TANGO2: variants seen among roughly 807,000 people sequenced by gnomAD.
The protein encoded by TANGO2 is transport and Golgi organization protein 2 homolog.
In TANGO2, 26 loss-of-function variants were observed where a neutral mutation model predicts 39.1. The observed-to-expected ratio is 0.67, with a 90% CI of 0.49 to 0.92. The LOEUF is 0.92. Ranked by LOEUF, TANGO2 falls within the 40% of genes least tolerant of loss-of-function variation. The pLI, the probability that TANGO2 is intolerant of heterozygous loss-of-function variation, is 0.00. For missense variants in TANGO2, 326 were observed against 360.1 expected, an observed-to-expected ratio of 0.91 and a Z score of 0.77; for synonymous variants, 131 against 144.5, an observed-to-expected ratio of 0.91 and a Z score of 0.67.
upstream of TANGO2, among the ~76,000 whole-genome samples, chr22:20,020,909 C>T (rs569713085): frequency 6.6e-6 from 1 of 152,138 alleles, no homozygotes. Context: ...CTCAGACGCC[C>T]GCGCAGCCCG....
At chr22:20,037,072 T>TCAGCCACAGAAGG (rs755348398) in intron 2 of TANGO2, 3 of 1,531,542 alleles carry the variant, frequency 2.0e-6, no homozygotes, top group Non-Finnish European at 1.8e-6. Context: ...ACGTGAAGAC[T>TCAGCCACAGAAGG]CAGCCACAGA....
chr22:20,050,231 A>G (rs1043009198), intron 3 of TANGO2, among the ~76,000 whole-genome samples: 19 of 151,838 alleles, frequency 1.3e-4, no homozygotes, highest in African/African-American at 4.4e-4. Context: ...ACAAAAAAAC[A>G]CTATTGAATC....
Position 20,063,361 on chromosome 22 carries a change from A to G in TANGO2, c.629A>G (p.Glu210Gly). The change falls in exon 8 of 9, where the codon GAG (glutamate) becomes GGG (glycine). Residue 210 changes from glutamate to glycine, a missense_variant. Physicochemically the swap from Glu to Gly is moderately conservative, Grantham distance 98. Transcript: ENST00000327374. ...EEAQLPDPAI[E>G]DQGGEYVQPM... is the part of the protein sequence containing the mutation. ...AGGCAGCTGCCAGACCCGGCCATCG[A>G]GGACCAGGGTGGGGAGTACGTGCAG... 1 of 1,613,470 alleles carries G rather than the reference A, an allele frequency of 6.2e-7. No homozygotes were observed. The highest frequency in any genetic ancestry group is 1.3e-5 in the African/African-American group (1 of 75,056).
At position 20,061,592 on chromosome 22, in the gene TANGO2, C is replaced by T. The variant is rs769003588; in HGVS notation, c.514C>T (p.Gln172Ter). Residue 172 changes from glutamine (Q) to a stop codon, truncating the protein, a stop_gained, in exon 7 of 9, where the codon CAG becomes TAG. Transcript: ENST00000327374. LOFTEE classifies it high-confidence loss of function. ...TPWRKLCFGK[Q>*]LFLEAVERSQ... ...CTGGAGGAAGCTGTGCTTTGGGAAG[C>T]AGCTCTTCCTGGAGGCTGTGGAACG... 1.3e-6 allele frequency: 2 copies of T among 1,598,210 alleles called. No individual in the cohort carries two copies. Among genetic ancestry groups the T allele is most frequent in the South Asian group, 1.1e-5 (1 of 88,160 alleles).
intron 3 of TANGO2, among the ~76,000 whole-genome samples, chr22:20,049,660 CAAA>C (rs695789): frequency 1.5e-4 from 13 of 87,124 alleles, no homozygotes; most frequent in Non-Finnish European, 1.5e-4. Context: ...AACTCTGTCT[CAAA>C]AAAAAAAAAA....
chr22:20,058,697 A>G (rs1468313345), intron 6 of TANGO2, among the ~76,000 whole-genome samples: 1 of 151,534 alleles, frequency 6.6e-6, no homozygotes, highest in African/African-American at 2.4e-5. Flanking sequence ...TAGAAAGGAG[A>G]GTTTTATTTG....
intron 8 of TANGO2, 100 bp downstream of exon 8, chr22:20,063,542 T>C: frequency 9.3e-7 from 1 of 1,074,110 alleles, no homozygotes; most frequent in South Asian, 1.5e-5. Context: ...AGAGCCAGGC[T>C]TCTTCCTCGC....
intron 2 of TANGO2, among the ~76,000 whole-genome samples, chr22:20,041,601 C>T (rs1305914221): frequency 2.6e-5 from 4 of 152,056 alleles, no homozygotes; most frequent in Admixed American, 6.6e-5. Flanking sequence ...CGTGAGCCAC[C>T]GGGCCCGGCC....
At chr22:20,052,636 C>A (rs2046582143) in intron 4 of TANGO2, 52 bp downstream of exon 4, 1 of 1,538,558 alleles carries the variant, frequency 6.5e-7, no homozygotes, top group South Asian at 1.2e-5. Context: ...TGGGGCAGGC[C>A]TAGGTGAGAC....
At chr22:20,023,947 C>T (rs568294708) in intron 1 of TANGO2, among the ~76,000 whole-genome samples, 7 of 151,986 alleles carry the variant, frequency 4.6e-5, no homozygotes, top group Non-Finnish European at 1.0e-4. Context: ...TTTGGGAGGC[C>T]GAGACAGGTG....
At chr22:20,046,999 G>A (rs2045342024) in intron 3 of TANGO2, among the ~76,000 whole-genome samples, 1 of 152,190 alleles carries the variant, frequency 6.6e-6, no homozygotes, top group South Asian at 2.1e-4. Flanking sequence ...TCTACTGATG[G>A]TGGAAGGGGA....
chr22:20,065,759 C>G lies in TANGO2; in HGVS notation c.*1097C>G, dbSNP rs533248563. The G allele has an allele frequency of 1.3e-5, 2 of 152,454 alleles. No homozygotes were observed. The highest frequency in any genetic ancestry group is 4.1e-4 in the South Asian group (2 of 4,830). The allele number at this position is 152,454 out of a possible 1,614,324, so 9.4% of individuals were successfully genotyped here. On this transcript the variant is annotated 3_prime_UTR_variant, in exon 9 of 9. Coordinates refer to ENST00000327374, the MANE Select transcript of TANGO2 (RefSeq NM_152906.7). ...GTGTGCCAGGAGGCTCCGTGTGCACCAGGGGCTCTCAGAATCCCGCTTACC... is the reference window on the plus strand; with the variant it reads ...GTGTGCCAGGAGGCTCCGTGTGCACGAGGGGCTCTCAGAATCCCGCTTACC...
chr22:20,052,658 A>G (rs2147520247), intron 4 of TANGO2, 74 bp downstream of exon 4: 1 of 1,514,756 alleles, frequency 6.6e-7, no homozygotes, highest in South Asian at 1.3e-5. Flanking sequence ...AGGTGGGGCC[A>G]AGGGACTACA....
At chr22:20,035,050 C>T (rs1360817175) in intron 1 of TANGO2, among the ~76,000 whole-genome samples, 2 of 152,252 alleles carry the variant, frequency 1.3e-5, no homozygotes, top group Admixed American at 6.5e-5. Flanking sequence ...GGGACCCAAC[C>T]CACTTCCAGC....
chr22:20,027,112 A>G (rs2040909648), intron 1 of TANGO2, among the ~76,000 whole-genome samples: 1 of 152,190 alleles, frequency 6.6e-6, no homozygotes, highest in Non-Finnish European at 1.5e-5. Flanking sequence ...AGGAGCCAGC[A>G]CTTCACACGG....
rs2047244091 is a variant in TANGO2 at position 20,055,928 on chromosome 22, C to T, written c.381-15C>T. On this transcript the variant is annotated splice_polypyrimidine_tract_variant and intron_variant, in intron 5 of 8. Coordinates refer to ENST00000327374, the MANE Select transcript of TANGO2 (RefSeq NM_152906.7). ...CTATGGCTGTAGTCTGACATTCTCT[C>T]CCCTTGGCCTGCAGCACAGCAAAGG... 8.7e-6 allele frequency: 14 copies of T among 1,610,718 alleles called. No homozygotes were observed. Among genetic ancestry groups the T allele is most frequent in the Non-Finnish European group, 1.2e-5 (14 of 1,176,976 alleles).
At chr22:20,021,010 G>T (rs1305311977), upstream of TANGO2, 2 of 151,836 alleles carry the variant, frequency 1.3e-5, no homozygotes, top group African/African-American at 2.4e-5. Flanking sequence ...GGCATGCGGC[G>T]CGCCGCCCCG....
chr22:20,017,044 G>T (rs915464074), upstream of TANGO2: 1 of 152,164 alleles, frequency 6.6e-6, no homozygotes. Context: ...CCTCTGCGGC[G>T]GCGGTGGCAG....
rs547312926 is a variant in TANGO2 at position 20,033,956 on chromosome 22, A to G, written c.-39-2804A>G. Among the ~76,000 whole-genome samples the G allele has an allele frequency of 1.7e-3, 260 of 152,294 alleles. 2 individuals are homozygous for G. Among genetic ancestry groups the G allele is most frequent in the African/African-American group, 6.0e-3 (250 of 41,564 alleles). On this transcript the variant is annotated intron_variant, in intron 1 of 8. Coordinates refer to ENST00000327374, the MANE Select transcript of TANGO2 (RefSeq NM_152906.7). ...CATGGTGGCTCATGCCTGTAATCCT[A>G]ACACTTTGGGAGGCCGAGGTGGGTG...
Sources: gnomAD v4.1 joint callset for allele counts (sites outside exome capture counted in the v4.1 genomes callset) on GRCh38, gnomAD v4.1.1 for gene constraint, MANE v1.5 for transcripts, NCBI Gene and HGNC (gene_info 2026-07-23, HGNC 2026-07-21) for gene names.